Variants in CDH12 observed in about 807,000 individuals in gnomAD.
The protein encoded by CDH12 is cadherin-12.
CDH12 carries 41 observed loss-of-function variants against 74.1 expected under a neutral mutation model. That is an observed-to-expected ratio of 0.55 (90% CI 0.43 to 0.72). CDH12 has a LOEUF of 0.72. CDH12 is among the 30% of genes least tolerant of loss of function. The probability of loss-of-function intolerance (pLI) is 0.00; values close to 1 mark genes in which losing one functional copy is unlikely to be tolerated. For missense variants in CDH12, 945 were observed against 977.2 expected (o/e 0.97, Z 0.44); for synonymous variants, 399 against 355.0 (o/e 1.12, Z -1.39).
At chr5:22,681,284 G>A (rs1741479982) in intron 1 of CDH12, among the ~76,000 whole-genome samples, 1 of 150,516 alleles carries the variant, frequency 6.6e-6, no homozygotes, top group South Asian at 2.1e-4. Flanking sequence ...GTGCCCAGGA[G>A]CAGTTTTTTT....
intron 2 of CDH12, among the ~76,000 whole-genome samples, chr5:22,445,424 A>G (rs1744781710): frequency 6.6e-6 from 1 of 152,014 alleles, no homozygotes; most frequent in Non-Finnish European, 1.5e-5. Context: ...TGTTTTGTGT[A>G]TTTCATTCTA....
At chr5:22,639,595 T>A (rs960061800) in intron 1 of CDH12, among the ~76,000 whole-genome samples, 5 of 152,068 alleles carry the variant, frequency 3.3e-5, no homozygotes, top group African/African-American at 1.2e-4. Flanking sequence ...CCATCAAGAG[T>A]TCTGAACGTG....
At chr5:21,970,808 C>A (rs926831017) in intron 6 of CDH12, among the ~76,000 whole-genome samples, 22 of 128,676 alleles carry the variant, frequency 1.7e-4, no homozygotes, top group African/African-American at 6.4e-4. Context: ...CCACTACACT[C>A]CGGCCTGGGC....
chr5:21,980,617 G>T lies in CDH12; in HGVS notation c.232-5232C>A, dbSNP rs145062283. ...CTTTTCCCACTGACTTAGCCTCTGG[G>T]GTTGTAATGAACTTACTCGTTTATT... On this transcript the variant is annotated intron_variant, in intron 5 of 14. Transcript: ENST00000382254. Among the ~76,000 whole-genome samples the T allele has an allele frequency of 5.0e-3, 766 of 151,988 alleles. 5 individuals are homozygous for T. Among genetic ancestry groups the T allele is most frequent in the African/African-American group, 0.017 (712 of 41,436 alleles).
At chr5:22,213,406 AATGTAGGAGAATACAGC>A (rs889715234) in intron 3 of CDH12, 2 of 151,800 alleles carry the variant, frequency 1.3e-5, no homozygotes, top group African/African-American at 4.8e-5. Flanking sequence ...TAACCAGAGT[AATGTAGGAGAATACAGC>A]ACTACACCTA....
At chr5:22,852,984 A>C (rs1275075871) in intron 1 of CDH12, 74 bp downstream of exon 1, 3 of 152,200 alleles carry the variant, frequency 2.0e-5, no homozygotes, top group East Asian at 3.9e-4. Context: ...TTAATCATGT[A>C]TGAATTTCTG....
chr5:22,019,185 T>C (rs1406995297), intron 5 of CDH12, among the ~76,000 whole-genome samples: 3 of 152,188 alleles, frequency 2.0e-5, no homozygotes, highest in African/African-American at 4.8e-5. Context: ...TGGCCTGTCA[T>C]ATGTCTTGTT....
chr5:22,526,274 C>T (rs563175058), intron 1 of CDH12, among the ~76,000 whole-genome samples: 119 of 152,258 alleles, frequency 7.8e-4, no homozygotes, highest in African/African-American at 2.8e-3. Context: ...ACTTACTCAT[C>T]TTTCAATTGT....
At chr5:22,534,259 C>T (rs1310077280) in intron 1 of CDH12, among the ~76,000 whole-genome samples, 6 of 151,498 alleles carry the variant, frequency 4.0e-5, no homozygotes, top group African/African-American at 9.7e-5. Flanking sequence ...TACATGAGTA[C>T]GTTATTTAGT....
At chr5:22,146,814 G>A (rs536784381) in intron 4 of CDH12, among the ~76,000 whole-genome samples, 2 of 152,138 alleles carry the variant, frequency 1.3e-5, no homozygotes, top group East Asian at 3.9e-4. Context: ...TGCTGTGATT[G>A]TTCCATCTAA....
At position 22,494,386 on chromosome 5, in the gene CDH12, C is replaced by T. The variant is rs544212491; in HGVS notation, c.-428+10884G>A. Among the ~76,000 whole-genome samples the T allele has an allele frequency of 3.9e-5, 6 of 152,272 alleles. No individual in the cohort carries two copies. The East Asian group carries it at 5.8e-4, about 15-fold the overall frequency. On this transcript the variant is annotated intron_variant, in intron 2 of 14. Coordinates refer to ENST00000382254, the MANE Select transcript of CDH12 (RefSeq NM_004061.5). ...CAGTGCCCTGTCTGGGGCGGGTTCCCGCCTTTCACCCTGAGCTGCGGGCAG... is the reference window on the plus strand; with the variant it reads ...CAGTGCCCTGTCTGGGGCGGGTTCCTGCCTTTCACCCTGAGCTGCGGGCAG...
At chr5:22,050,646 C>T (rs908649388) in intron 5 of CDH12, among the ~76,000 whole-genome samples, 1 of 152,114 alleles carries the variant, frequency 6.6e-6, no homozygotes, top group Non-Finnish European at 1.5e-5. Context: ...TGTTCAGCTG[C>T]ACACACCTGG....
intron 9 of CDH12, among the ~76,000 whole-genome samples, chr5:21,804,357 G>A (rs1416818827): frequency 6.6e-6 from 1 of 152,074 alleles, no homozygotes; most frequent in Admixed American, 6.6e-5. Context: ...CTTGAATACT[G>A]TGTTTTGTTG....
intron 1 of CDH12, among the ~76,000 whole-genome samples, chr5:22,738,497 G>C (rs1744857691): frequency 6.6e-6 from 1 of 152,008 alleles, no homozygotes; most frequent in African/African-American, 2.4e-5. Flanking sequence ...GTGACGAAGA[G>C]CAAGCTAGTT....
At chr5:22,206,735 T>C (rs899227216) in intron 4 of CDH12, among the ~76,000 whole-genome samples, 2 of 141,444 alleles carry the variant, frequency 1.4e-5, no homozygotes, top group Non-Finnish European at 3.0e-5. Context: ...TGAATCAATA[T>C]GCAAAGTATG....
At chr5:22,558,275 A>C (rs1738890942) in intron 1 of CDH12, among the ~76,000 whole-genome samples, 1 of 152,074 alleles carries the variant, frequency 6.6e-6, no homozygotes, top group African/African-American at 2.4e-5. Flanking sequence ...AGATTAATTG[A>C]AAGTGAATGT....
chr5:22,259,250 T>C (rs1753429557), intron 3 of CDH12, among the ~76,000 whole-genome samples: 1 of 152,122 alleles, frequency 6.6e-6, no homozygotes, highest in Non-Finnish European at 1.5e-5. Flanking sequence ...GTCTAAAACA[T>C]AATTTTTAAG....
intron 1 of CDH12, among the ~76,000 whole-genome samples, chr5:22,648,034 A>G (rs1739531952): frequency 6.6e-6 from 1 of 151,856 alleles, no homozygotes; most frequent in Admixed American, 6.6e-5. Flanking sequence ...TTAACTAAAT[A>G]TTTGTGAATT....
At chr5:22,616,495 A>G (rs1412198240) in intron 1 of CDH12, among the ~76,000 whole-genome samples, 1 of 152,124 alleles carries the variant, frequency 6.6e-6, no homozygotes, top group African/African-American at 2.4e-5. Context: ...ACATTTGGAA[A>G]TTATTTGAAA....
Sources: gnomAD v4.1 joint callset for allele counts (sites outside exome capture counted in the v4.1 genomes callset) on GRCh38, gnomAD v4.1.1 for gene constraint, MANE v1.5 for transcripts, NCBI Gene and HGNC (gene_info 2026-07-23, HGNC 2026-07-21) for gene names.